The following CHPT1 variants were observed in gnomAD, a reference collection of about 807,000 sequenced individuals.
The protein encoded by CHPT1 is cholinephosphotransferase 1.
CHPT1 carries 36 observed loss-of-function variants against 47.6 expected under a neutral mutation model. That is an observed-to-expected ratio of 0.76 (90% CI 0.58 to 1.00). The LOEUF (loss-of-function observed/expected upper bound fraction) is 1.00, where lower values mean the gene tolerates loss of function less well. Ranked by LOEUF, CHPT1 falls within the 50% of genes least tolerant of loss-of-function variation. CHPT1 has a pLI of 0.00. For missense variants in CHPT1, 458 were observed against 498.1 expected (o/e 0.92, Z 0.77); for synonymous variants, 194 against 186.3 (o/e 1.04, Z -0.33).
At chr12:101,719,156 G>GAAAAAAAAAAAA in intron 4 of CHPT1, among the ~76,000 whole-genome samples, 1 of 95,072 alleles carries the variant, frequency 1.1e-5, no homozygotes. Flanking sequence ...CTCGTCTCAA[G>GAAAAAAAAAAAA]AAAAAAAAAA....
intron 1 of CHPT1, among the ~76,000 whole-genome samples, chr12:101,712,922 C>G (rs1161970306): frequency 6.7e-6 from 1 of 148,506 alleles, no homozygotes; most frequent in Non-Finnish European, 1.5e-5. Flanking sequence ...ATTATATTCT[C>G]CTGCTTCTTT....
In CHPT1 at chr12:101,709,958, C is replaced by T. The variant is rs536419414; in HGVS notation, c.274-4132C>T. ...GCCTTGATGTAAATTATCACTCCTC[C>T]GTATGTTTCACTTTCATCTTTAATA... On this transcript the variant is annotated intron_variant, in intron 1 of 8. Transcript: ENST00000229266. Among the ~76,000 whole-genome samples, 43 of 148,770 alleles carry T rather than the reference C, an allele frequency of 2.9e-4. 6 individuals carry two copies. The highest frequency in any genetic ancestry group is 3.8e-4 in the Non-Finnish European group (25 of 66,492).
rs1016984445 is a variant in CHPT1, at chr12:101,712,848, A to G, written c.274-1242A>G. Among the ~76,000 whole-genome samples, 10 of 148,346 alleles carry G rather than the reference A, an allele frequency of 6.7e-5. 1 individual carries two copies. Among genetic ancestry groups the G allele is most frequent in the Admixed American group, 4.8e-4 (7 of 14,536 alleles). On this transcript the variant is annotated intron_variant, in intron 1 of 8. Coordinates refer to ENST00000229266, the MANE Select transcript of CHPT1 (RefSeq NM_020244.3). The stretch of plus-strand genomic sequence containing the variant: ...TTTGATATCCTCATCTGCTAATTCT[A>G]TTACTTCTGTTCATATTGATTCTGA...
chr12:101,708,598 C>T (rs543365837), intron 1 of CHPT1, among the ~76,000 whole-genome samples: 7 of 152,136 alleles, frequency 4.6e-5, no homozygotes, highest in Admixed American at 1.3e-4. Context: ...TAATTAAAAA[C>T]GTATTTATTC....
chr12:101,718,025 A>C (rs768135995), intron 4 of CHPT1, among the ~76,000 whole-genome samples: 6 of 152,218 alleles, frequency 3.9e-5, no homozygotes, highest in Non-Finnish European at 5.9e-5. Context: ...GCCAATCTGA[A>C]AAGTCTGCAT....
At chr12:101,714,279 A>G in intron 2 of CHPT1, 42 bp downstream of exon 2, 1 of 1,507,122 alleles carries the variant, frequency 6.6e-7, no homozygotes, top group Non-Finnish European at 8.9e-7. Context: ...ATACCTTAAA[A>G]ATAAAATGAA....
At chr12:101,721,467 G>A (rs964361750) in intron 5 of CHPT1, among the ~76,000 whole-genome samples, 1 of 152,082 alleles carries the variant, frequency 6.6e-6, no homozygotes, top group Non-Finnish European at 1.5e-5. Context: ...TTTAAAAGAC[G>A]TGTAAGTAGA....
chr12:101,726,248 A>AAGAT, intron 7 of CHPT1, 46 bp from the exon 8 acceptor site: 1 of 1,304,060 alleles, frequency 7.7e-7, no homozygotes, highest in Non-Finnish European at 1.1e-6. Flanking sequence ...TACTTGAGAA[A>AAGAT]AGATAGATCA....
chr12:101,722,465 A>T (rs964111639), intron 5 of CHPT1, among the ~76,000 whole-genome samples: 3 of 152,148 alleles, frequency 2.0e-5, no homozygotes, highest in Non-Finnish European at 2.9e-5. Context: ...TCACATAGAT[A>T]AAAATGTAAT....
At chr12:101,713,290 A>AAAAAC (rs1951719505) in intron 1 of CHPT1, among the ~76,000 whole-genome samples, 2 of 123,606 alleles carry the variant, frequency 1.6e-5, no homozygotes, top group Non-Finnish European at 1.9e-5. Flanking sequence ...GGCCTTTGTT[A>AAAAAC]GTTTCATCTC....
chr12:101,714,154 T>A lies in CHPT1; in HGVS notation c.338T>A (p.Ile113Asn). Reference protein sequence around the residue: ...GLFIYQSLDAIDGKQARRTNS... With the variant: ...GLFIYQSLDANDGKQARRTNS... ...TTTATTTACCAGTCACTGGATGCTA[T>A]TGATGGGAAACAAGCCAGAAGAACA... The change falls in exon 2 of 9, where the codon ATT becomes AAT. Residue 113 changes from isoleucine (I) to asparagine (N), a missense_variant. By Grantham distance (149) the Ile-to-Asn change is moderately radical. Coordinates refer to ENST00000229266, the MANE Select transcript of CHPT1 (RefSeq NM_020244.3). 1.2e-6 allele frequency: 2 copies of A among 1,612,620 alleles called. No homozygotes were observed. The highest frequency in any genetic ancestry group is 8.5e-7 in the Non-Finnish European group (1 of 1,178,688).
At chr12:101,700,335 A>G (rs1166923406) in intron 1 of CHPT1, among the ~76,000 whole-genome samples, 4 of 151,872 alleles carry the variant, frequency 2.6e-5, no homozygotes, top group African/African-American at 4.8e-5. Context: ...AAAAAAAAAA[A>G]AAAAGGGTGG....
chr12:101,714,225 T>C lies in CHPT1; in HGVS notation c.409T>C (p.Ser137Pro), dbSNP rs373662146. The change falls in exon 2 of 9, where the codon TCT becomes CCT. Residue 137 changes from serine to proline, a missense_variant. Coordinates refer to ENST00000229266, the MANE Select transcript of CHPT1 (RefSeq NM_020244.3). The part of the protein sequence containing the change: ...LGELFDHGCD[S>P]LSTVFMAVGA... Reference sequence around the variant, plus strand: ...GGAGCTCTTTGACCATGGCTGTGACTCTCTTTCCACAGGTAAATTAGTGGA... The same window carrying C: ...GGAGCTCTTTGACCATGGCTGTGACCCTCTTTCCACAGGTAAATTAGTGGA... 6 of 1,595,514 alleles carry C rather than the reference T, an allele frequency of 3.8e-6. No individual in the cohort carries two copies. The highest frequency in any genetic ancestry group is 5.1e-6 in the Non-Finnish European group (6 of 1,174,272).
chr12:101,722,723 A>AAG (rs1165584167), intron 5 of CHPT1, among the ~76,000 whole-genome samples: 4 of 150,548 alleles, frequency 2.7e-5, no homozygotes, highest in African/African-American at 9.7e-5. Context: ...AAAAAAAAAA[A>AAG]AAAGAAAATA....
intron 6 of CHPT1, 130 bp from the exon 7 acceptor site, chr12:101,723,592 G>A (rs1023200736): frequency 1.0e-5 from 7 of 666,834 alleles, no homozygotes; most frequent in Non-Finnish European, 1.7e-5. Context: ...AGAAGGTGTA[G>A]AAAAGTATTC....
At chr12:101,723,434 A>G (rs151335322) in intron 6 of CHPT1, 108 bp downstream of exon 6, 29 of 723,534 alleles carry the variant, frequency 4.0e-5, no homozygotes, top group African/African-American at 3.1e-4. Flanking sequence ...GTGTAAAATC[A>G]TAATAATTAG....
At chr12:101,701,702 G>A (rs748487580) in intron 1 of CHPT1, among the ~76,000 whole-genome samples, 8 of 152,106 alleles carry the variant, frequency 5.3e-5, no homozygotes, top group Admixed American at 2.0e-4. Context: ...GCAATTGCTC[G>A]TTCATTTGTA....
chr12:101,700,397 A>G (rs957858871), intron 1 of CHPT1, among the ~76,000 whole-genome samples: 1 of 151,966 alleles, frequency 6.6e-6, no homozygotes, highest in Admixed American at 6.6e-5. Context: ...AAATGGCCCA[A>G]GAAGGGTAAA....
At chr12:101,706,935 TG>T (rs1411623983) in intron 1 of CHPT1, among the ~76,000 whole-genome samples, 21 of 152,254 alleles carry the variant, frequency 1.4e-4, no homozygotes, top group African/African-American at 5.1e-4. Context: ...TATAAAGTCA[TG>T]AACATCATTG....
Sources: allele counts gnomAD v4.1 joint callset (sites outside exome capture counted in the v4.1 genomes callset), GRCh38; gene constraint gnomAD v4.1.1; transcripts MANE v1.5; gene names NCBI Gene and HGNC (gene_info 2026-07-23, HGNC 2026-07-21).